The following INSM1 variants were observed in gnomAD, a reference collection of about 807,000 sequenced individuals.
The protein encoded by INSM1 is INSM transcriptional repressor 1.
INSM1 carries 11 observed loss-of-function variants against 21.1 expected under a neutral mutation model. The observed-to-expected ratio is 0.52, with a 90% CI of 0.33 to 0.86. The LOEUF is 0.86. Ranked by LOEUF, INSM1 falls within the 40% of genes least tolerant of loss-of-function variation. INSM1 has a pLI of 0.03. For synonymous variants in INSM1, 473 were observed against 386.1 expected, an observed-to-expected ratio of 1.23 and a Z score of -2.64; for missense variants, 843 against 760.1, an observed-to-expected ratio of 1.11 and a Z score of -1.28.
Position 20,368,954 on chromosome 20 carries a change from G to T in INSM1, c.687G>T (p.Leu229=). 6.4e-7 allele frequency: 1 copy of T among 1,555,492 alleles called. No homozygotes were observed. The highest frequency in any genetic ancestry group is 8.7e-7 in the Non-Finnish European group (1 of 1,154,138). The change falls in exon 1 of 1, where the codon CTG becomes CTT. Residue 229 remains leucine (L), a synonymous_variant. Coordinates refer to ENST00000310227, the MANE Select transcript of INSM1 (RefSeq NM_002196.3). The surrounding 1 kb of genome is among the most constrained non-coding windows in gnomAD (Gnocchi z 4.3). ...GAKKPKAIRK[L]HFEDEVTTSP... ...AGAAGCCCAAGGCCATCCGCAAGCT[G>T]CACTTCGAGGACGAGGTGACCACGT...
Position 20,369,733 on chromosome 20 carries a change from A to T in INSM1, c.1466A>T (p.Asn489Ile). 2 of 1,602,430 alleles carry T rather than the reference A, an allele frequency of 1.2e-6. No individual in the cohort carries two copies. Among genetic ancestry groups the T allele is most frequent in the South Asian group, 1.1e-5 (1 of 91,044 alleles). Residue 489 changes from asparagine to isoleucine, a missense_variant, in exon 1 of 1, where the codon AAC becomes ATC. Physicochemically the swap from Asn to Ile is moderately radical, Grantham distance 149. Coordinates refer to ENST00000310227, the MANE Select transcript of INSM1 (RefSeq NM_002196.3). This position sits in a 1 kb window ranked among gnomAD's most constrained non-coding sequence, Gnocchi z 5.6. ...TCGCCCGGCCTTACGCGGCACATCA[A>T]CAAGTGCCACCCATCCGAAAACAGA... is the stretch of plus-strand genomic sequence containing the variant. Reference protein sequence around the residue: ...YSSPGLTRHINKCHPSENRQV... With the variant: ...YSSPGLTRHIIKCHPSENRQV...
At position 20,370,528 on chromosome 20, in the gene INSM1, A is replaced by G. The variant is rs1478727351; in HGVS notation, c.*728A>G. The G allele has an allele frequency of 1.2e-5, 2 of 167,124 alleles. No individual in the cohort carries two copies. Among genetic ancestry groups the G allele is most frequent in the Non-Finnish European group, 1.5e-5 (1 of 68,140 alleles). 10.4% of individuals were successfully genotyped at this position (167,124 alleles called of 1,614,324 possible). ...TGATCATCTTTGTTGAGGTAGGACTATCAGTTCCCTCTAAATGTATATGTT... is the reference window on the plus strand; with the variant it reads ...TGATCATCTTTGTTGAGGTAGGACTGTCAGTTCCCTCTAAATGTATATGTT... On this transcript the variant is annotated 3_prime_UTR_variant, in exon 1 of 1. Coordinates refer to ENST00000310227, the MANE Select transcript of INSM1 (RefSeq NM_002196.3).
In INSM1 at chr20:20,368,931, A is replaced by C; in HGVS notation, c.664A>C (p.Lys222Gln). 1 of 1,526,766 alleles carries C rather than the reference A, an allele frequency of 6.5e-7. No homozygotes were observed. The allele number at this position is 1,526,766 out of a possible 1,614,324, so 94.6% of individuals were successfully genotyped here. Residue 222 changes from lysine (K) to glutamine (Q), a missense_variant, in exon 1 of 1, where the codon AAG becomes CAG. By Grantham distance (53) the Lys-to-Gln change is moderately conservative. Transcript: ENST00000310227. The surrounding 1 kb of genome is among the most constrained non-coding windows in gnomAD (Gnocchi z 4.3). ...AKAVKAPGAK[K>Q]PKAIRKLHFE... ...GGCAGTCAAGGCCCCGGGCGCCAAG[A>C]AGCCCAAGGCCATCCGCAAGCTGCA...
chr20:20,369,538 G>T lies in INSM1; in HGVS notation c.1271G>T (p.Gly424Val). ...GAGAAGGCGCCCCAGGAGGCGGCCG[G>T]CGACGGCGAGGGGGCCGGCGTGCTG... ...PDEKAPQEAA[G>V]DGEGAGVLGL... The change falls in exon 1 of 1, where the codon GGC becomes GTC. Residue 424 changes from glycine (G) to valine (V), a missense_variant. Coordinates refer to ENST00000310227, the MANE Select transcript of INSM1 (RefSeq NM_002196.3). The surrounding 1 kb of genome is among the most constrained non-coding windows in gnomAD (Gnocchi z 5.6). The T allele has an allele frequency of 6.4e-7, 1 of 1,567,712 alleles. No individual in the cohort carries two copies. Among genetic ancestry groups the T allele is most frequent in the Non-Finnish European group, 8.6e-7 (1 of 1,165,242 alleles).
rs181844032 is a variant in INSM1 at position 20,370,203 on chromosome 20, C to G, written c.*403C>G. 1.2e-3 allele frequency: 242 copies of G among 197,550 alleles called. 2 individuals are homozygous for G. The South Asian group carries it at 0.013, about 11-fold the overall frequency. The allele number at this position is 197,550 out of a possible 1,614,324, so 12.2% of individuals were successfully genotyped here. A position where few individuals can be genotyped will look rare whatever the true frequency, so the allele number is the denominator to read the frequency against. On this transcript the variant is annotated 3_prime_UTR_variant, in exon 1 of 1. Coordinates refer to ENST00000310227, the MANE Select transcript of INSM1 (RefSeq NM_002196.3). ...CTCGCCTCGCCTACCAATCTCTGCT[C>G]TCTATGTATGTAGCGTACGGGTTGT...
Position 20,369,195 on chromosome 20 carries a change from C to T in INSM1, c.928C>T (p.Leu310=). The change falls in exon 1 of 1, where the codon CTG becomes TTG. Residue 310 remains leucine (L), a synonymous_variant. Transcript: ENST00000310227. This position sits in a 1 kb window ranked among gnomAD's most constrained non-coding sequence, Gnocchi z 5.6. The part of the protein sequence containing the change: ...CAKVFSCPAN[L]ASHRRWHKPR... Reference sequence around the variant, plus strand: ...CAAGGTCTTCAGCTGCCCGGCCAACCTGGCCTCGCACCGCCGCTGGCACAA... The same window carrying T: ...CAAGGTCTTCAGCTGCCCGGCCAACTTGGCCTCGCACCGCCGCTGGCACAA... The T allele has an allele frequency of 6.4e-7, 1 of 1,550,402 alleles. No individual in the cohort carries two copies. Among genetic ancestry groups the T allele is most frequent in the South Asian group, 1.2e-5 (1 of 86,326 alleles).
chr20:20,368,429 G>A lies in INSM1; in HGVS notation c.162G>A (p.Pro54=). The A allele has an allele frequency of 1.0e-6, 1 of 988,098 alleles. No individual in the cohort carries two copies. The highest frequency in any genetic ancestry group is 4.5e-5 in the South Asian group (1 of 22,102). 61.2% of individuals were successfully genotyped at this position (988,098 alleles called of 1,614,324 possible). ...PAPSPVPGPL[P]PPPPAERAHA... is the part of the protein sequence containing the mutation. ...CGAGCCCGGTCCCCGGGCCGCTGCC[G>A]CCGCCGCCGCCCGCGGAGCGCGCCC... The change falls in exon 1 of 1, where the codon CCG becomes CCA. Residue 54 remains proline (P), a synonymous_variant. Transcript: ENST00000310227. The surrounding 1 kb of genome is among the most constrained non-coding windows in gnomAD (Gnocchi z 4.3).
chr20:20,369,012 C>T lies in INSM1; in HGVS notation c.745C>T (p.Pro249Ser). The change falls in exon 1 of 1, where the codon CCG (proline) becomes TCG (serine). Residue 249 changes from proline (P) to serine (S), a missense_variant. By Grantham distance (74) the Pro-to-Ser change is moderately conservative. Coordinates refer to ENST00000310227, the MANE Select transcript of INSM1 (RefSeq NM_002196.3). This position sits in a 1 kb window ranked among gnomAD's most constrained non-coding sequence, Gnocchi z 5.6. ...PVLGLKIKEG[P>S]VEAPRGRAGG... is the part of the protein sequence containing the mutation. ...GCTGGGGCTCAAGATCAAGGAGGGC[C>T]CGGTGGAGGCGCCGCGGGGCCGCGC... The T allele has an allele frequency of 2.6e-6, 4 of 1,527,212 alleles. No individual in the cohort carries two copies. In the South Asian group the frequency reaches 3.7e-5, roughly 14 times the overall value. The allele number at this position is 1,527,212 out of a possible 1,614,324, so 94.6% of individuals were successfully genotyped here. A position where few individuals can be genotyped will look rare whatever the true frequency, so the allele number is the denominator to read the frequency against.
chr20:20,368,875 C>T lies in INSM1; in HGVS notation c.608C>T (p.Pro203Leu). 2 of 1,435,200 alleles carry T rather than the reference C, an allele frequency of 1.4e-6. No homozygotes were observed. Among genetic ancestry groups the T allele is most frequent in the East Asian group, 3.1e-5 (1 of 32,398 alleles). The allele number at this position is 1,435,200 out of a possible 1,614,324, so 88.9% of individuals were successfully genotyped here. Residue 203 changes from proline (P) to leucine (L), a missense_variant, in exon 1 of 1, where the codon CCG (proline) becomes CTG (leucine). Pro to Leu is a moderately conservative substitution (Grantham distance 98). Transcript: ENST00000310227. The surrounding 1 kb of genome is among the most constrained non-coding windows in gnomAD (Gnocchi z 4.3). ...AALRPPGKRP[P>L]PPTAAEPPAK... ...CTGCGGCCCCCGGGAAAGCGGCCCCCGCCCCCTACCGCCGCGGAGCCGCCC... is the reference window on the plus strand; with the variant it reads ...CTGCGGCCCCCGGGAAAGCGGCCCCTGCCCCCTACCGCCGCGGAGCCGCCC...
chr20:20,368,222 G>T lies in INSM1; in HGVS notation c.-46G>T. On this transcript the variant is annotated 5_prime_UTR_variant, in exon 1 of 1. Transcript: ENST00000310227. The surrounding 1 kb of genome is among the most constrained non-coding windows in gnomAD (Gnocchi z 4.3). ...GCACTGAGGGCCGCCGGGGCCGAGC[G>T]CGGAGGGGGGACCGAGCCAGTGCCG... 1 of 1,080,974 alleles carries T rather than the reference G, an allele frequency of 9.3e-7. No individual in the cohort carries two copies. The highest frequency in any genetic ancestry group is 3.7e-5 in the South Asian group (1 of 26,672). 67.0% of individuals were successfully genotyped at this position (1,080,974 alleles called of 1,614,324 possible).
chr20:20,368,920 C>G lies in INSM1; in HGVS notation c.653C>G (p.Pro218Arg). ...CCGCCCGCCAAGGCAGTCAAGGCCC[C>G]GGGCGCCAAGAAGCCCAAGGCCATC... Reference protein sequence around the residue: ...AEPPAKAVKAPGAKKPKAIRK... With the variant: ...AEPPAKAVKARGAKKPKAIRK... Residue 218 changes from proline (P) to arginine (R), a missense_variant, in exon 1 of 1, where the codon CCG becomes CGG. Physicochemically the swap from Pro to Arg is moderately radical, Grantham distance 103. Transcript: ENST00000310227. This position sits in a 1 kb window ranked among gnomAD's most constrained non-coding sequence, Gnocchi z 4.3. 1 of 1,518,148 alleles carries G rather than the reference C, an allele frequency of 6.6e-7. No homozygotes were observed. The highest frequency in any genetic ancestry group is 8.8e-7 in the Non-Finnish European group (1 of 1,136,732). 94.0% of individuals were successfully genotyped at this position (1,518,148 alleles called of 1,614,324 possible).
In INSM1 at chr20:20,369,988, C is replaced by CT; in HGVS notation, c.*192dup. 1.8e-6 allele frequency: 1 copy of CT among 561,618 alleles called. No individual in the cohort carries two copies. The highest frequency in any genetic ancestry group is 3.2e-6 in the Non-Finnish European group (1 of 317,028). 34.8% of individuals were successfully genotyped at this position (561,618 alleles called of 1,614,324 possible). On this transcript the variant is annotated 3_prime_UTR_variant, in exon 1 of 1. Transcript: ENST00000310227. This position sits in a 1 kb window ranked among gnomAD's most constrained non-coding sequence, Gnocchi z 5.6. ...TAACCCCATACTCTCCTTTTGACTC[C>CT]TTTTGGAACCCCCACTTTTACGTTG... is the stretch of plus-strand genomic sequence containing the variant.
chr20:20,369,410 C>G lies in INSM1; in HGVS notation c.1143C>G (p.Tyr381Ter), dbSNP rs771301377. 1 of 1,554,740 alleles carries G rather than the reference C, an allele frequency of 6.4e-7. No homozygotes were observed. Among genetic ancestry groups the G allele is most frequent in the South Asian group, 1.2e-5 (1 of 85,462 alleles). Residue 381 changes from tyrosine (Y) to a stop codon, truncating the protein, a stop_gained, in exon 1 of 1, where the codon TAC (tyrosine) becomes TAG (stop). Transcript: ENST00000310227. LOFTEE classifies it high-confidence loss of function. The surrounding 1 kb of genome is among the most constrained non-coding windows in gnomAD (Gnocchi z 5.6). ...HCAKKFRRQA[Y>*]LRKHLLAHHQ... ...CCAAGAAGTTCCGCCGCCAGGCCTACCTACGCAAGCACCTGCTGGCGCACC... is the reference window on the plus strand; with the variant it reads ...CCAAGAAGTTCCGCCGCCAGGCCTAGCTACGCAAGCACCTGCTGGCGCACC...
At position 20,369,425 on chromosome 20, in the gene INSM1, G is replaced by C. The variant is rs745989349; in HGVS notation, c.1158G>C (p.Leu386=). The C allele has an allele frequency of 6.4e-6, 10 of 1,551,160 alleles. No homozygotes were observed. The highest frequency in any genetic ancestry group is 1.9e-5 in the Admixed American group (1 of 52,676). Residue 386 remains leucine, a synonymous_variant, in exon 1 of 1, where the codon CTG becomes CTC. Transcript: ENST00000310227. This position sits in a 1 kb window ranked among gnomAD's most constrained non-coding sequence, Gnocchi z 5.6. ...GCCAGGCCTACCTACGCAAGCACCT[G>C]CTGGCGCACCACCAGGCGCTGCAGG... ...FRRQAYLRKH[L]LAHHQALQAK...
In INSM1 at chr20:20,369,596, C is replaced by T. The variant is rs779530790; in HGVS notation, c.1329C>T (p.Cys443=). ...GTGCGTCCGCCGAGTGCCACCTGTGCCCAGTGTGCGGAGAGTCGTTCGCCA... is the reference window on the plus strand; with the variant it reads ...GTGCGTCCGCCGAGTGCCACCTGTGTCCAGTGTGCGGAGAGTCGTTCGCCA... ...GLSASAECHL[C]PVCGESFASK... Residue 443 remains cysteine, a synonymous_variant, in exon 1 of 1, where the codon TGC becomes TGT. Transcript: ENST00000310227. The surrounding 1 kb of genome is among the most constrained non-coding windows in gnomAD (Gnocchi z 5.6). The T allele has an allele frequency of 1.4e-5, 22 of 1,600,362 alleles. No homozygotes were observed. The South Asian group carries it at 1.4e-4, about 10-fold the overall frequency.
At position 20,369,379 on chromosome 20, in the gene INSM1, A is replaced by T; in HGVS notation, c.1112A>T (p.His371Leu). 3 of 1,547,228 alleles carry T rather than the reference A, an allele frequency of 1.9e-6. No individual in the cohort carries two copies. The highest frequency in any genetic ancestry group is 1.7e-6 in the Non-Finnish European group (2 of 1,158,244). ...GSEDGLYECHHCAKKFRRQAY... is the reference protein window; with the variant it reads ...GSEDGLYECHLCAKKFRRQAY... ...GAGGACGGGCTCTACGAGTGCCATCACTGCGCCAAGAAGTTCCGCCGCCAG... is the reference window on the plus strand; with the variant it reads ...GAGGACGGGCTCTACGAGTGCCATCTCTGCGCCAAGAAGTTCCGCCGCCAG... Residue 371 changes from histidine (H) to leucine (L), a missense_variant, in exon 1 of 1, where the codon CAC becomes CTC. By Grantham distance (99) the His-to-Leu change is moderately conservative. Transcript: ENST00000310227. The surrounding 1 kb of genome is among the most constrained non-coding windows in gnomAD (Gnocchi z 5.6).
In INSM1 at chr20:20,370,881, A is replaced by G. The variant is rs2059497825; in HGVS notation, c.*1081A>G. The G allele has an allele frequency of 6.0e-6, 1 of 167,012 alleles. No individual in the cohort carries two copies. Among genetic ancestry groups the G allele is most frequent in the African/African-American group, 2.4e-5 (1 of 41,468 alleles). The allele number at this position is 167,012 out of a possible 1,614,324, so 10.3% of individuals were successfully genotyped here. On this transcript the variant is annotated 3_prime_UTR_variant, in exon 1 of 1. Coordinates refer to ENST00000310227, the MANE Select transcript of INSM1 (RefSeq NM_002196.3). Reference sequence around the variant, plus strand: ...TTTCTTAATTGTTAGCTATTTATAGAAAGCTTCAATAGAACTGTTTCAACT... The same window carrying G: ...TTTCTTAATTGTTAGCTATTTATAGGAAGCTTCAATAGAACTGTTTCAACT...
In INSM1 at chr20:20,369,476, G is replaced by A. The variant is rs112131258; in HGVS notation, c.1209G>A (p.Pro403=). The change falls in exon 1 of 1, where the codon CCG becomes CCA. Residue 403 remains proline, a synonymous_variant. Transcript: ENST00000310227. The surrounding 1 kb of genome is among the most constrained non-coding windows in gnomAD (Gnocchi z 5.6). ...LQAKGAPLAP[P]AEDLLALYPG... is the part of the protein sequence containing the mutation. ...CCAAGGGCGCGCCGCTAGCGCCCCC[G>A]GCCGAGGACCTACTGGCCTTGTACC... 1.3e-6 allele frequency: 2 copies of A among 1,530,216 alleles called. No homozygotes were observed. 94.8% of individuals were successfully genotyped at this position (1,530,216 alleles called of 1,614,324 possible).
In INSM1 at chr20:20,369,279, G is replaced by A. The variant is rs1179808618; in HGVS notation, c.1012G>A (p.Glu338Lys). 4 of 1,378,598 alleles carry A rather than the reference G, an allele frequency of 2.9e-6. No homozygotes were observed. The African/African-American group carries it at 6.1e-5, about 21-fold the overall frequency. The allele number at this position is 1,378,598 out of a possible 1,614,324, so 85.4% of individuals were successfully genotyped here. Residue 338 changes from glutamate to lysine, a missense_variant, in exon 1 of 1, where the codon GAG (glutamate) becomes AAG (lysine). Transcript: ENST00000310227. This position sits in a 1 kb window ranked among gnomAD's most constrained non-coding sequence, Gnocchi z 5.6. ...APEPEAAARA[E>K]AREAPGGGSD... is the part of the protein sequence containing the mutation. Reference sequence around the variant, plus strand: ...GGAGCCAGAAGCAGCAGCCAGGGCTGAGGCGCGGGAGGCACCCGGCGGCGG... The same window carrying A: ...GGAGCCAGAAGCAGCAGCCAGGGCTAAGGCGCGGGAGGCACCCGGCGGCGG...
Sources: allele counts gnomAD v4.1 joint callset, GRCh38; gene constraint gnomAD v4.1.1; non-coding constraint Gnocchi (gnomAD v3.1); transcripts MANE v1.5; gene names NCBI Gene and HGNC (gene_info 2026-07-23, HGNC 2026-07-21).